The following SPSB1 variants were observed in gnomAD, a reference collection of about 807,000 sequenced individuals.
SPSB1 encodes the protein splA/ryanodine receptor domain and SOCS box containing 1.
A neutral mutation model predicts 21.2 loss-of-function variants in SPSB1; 8 were observed. That is an observed-to-expected ratio of 0.38 (90% CI 0.22 to 0.68). SPSB1 has a LOEUF of 0.68. SPSB1 is among the 30% of genes least tolerant of loss of function. The pLI, the probability that SPSB1 is intolerant of heterozygous loss-of-function variation, is 0.53. For synonymous variants in SPSB1, 169 were observed against 161.7 expected, an observed-to-expected ratio of 1.05 and a Z score of -0.34; for missense variants, 242 against 377.8, an observed-to-expected ratio of 0.64 and a Z score of 2.98.
intron 1 of SPSB1, among the ~76,000 whole-genome samples, chr1:9,315,139 A>C (rs1033653960): frequency 1.3e-5 from 2 of 152,230 alleles, no homozygotes; most frequent in African/African-American, 2.4e-5. Context: ...AAGGCTGAGA[A>C]GCTCAGCGGG....
chr1:9,314,032 C>G (rs563926036), intron 1 of SPSB1, among the ~76,000 whole-genome samples: 2 of 152,138 alleles, frequency 1.3e-5, no homozygotes, highest in South Asian at 4.1e-4. Flanking sequence ...AAAAATTAGC[C>G]AGGTGTGGCG....
chr1:9,329,430 C>T (rs1224442897), intron 1 of SPSB1, among the ~76,000 whole-genome samples: 2 of 151,836 alleles, frequency 1.3e-5, no homozygotes, highest in African/African-American at 4.8e-5. Flanking sequence ...GTGAGAGGAT[C>T]CGAGGAAGGG....
chr1:9,325,205 A>C (rs1639795620), intron 1 of SPSB1, among the ~76,000 whole-genome samples: 1 of 140,824 alleles, frequency 7.1e-6, no homozygotes, highest in Admixed American at 7.6e-5. Context: ...CTCCGGCCTG[A>C]GCCAATGCCT....
chr1:9,297,523 C>CA (rs1639245362), intron 1 of SPSB1, among the ~76,000 whole-genome samples: 1 of 152,036 alleles, frequency 6.6e-6, no homozygotes. Flanking sequence ...TTTATACAAG[C>CA]AGACACCAAG....
At chr1:9,316,914 C>G (rs1473646772) in intron 1 of SPSB1, among the ~76,000 whole-genome samples, 1 of 152,106 alleles carries the variant, frequency 6.6e-6, no homozygotes, top group Non-Finnish European at 1.5e-5. Flanking sequence ...TAAGAGTGCC[C>G]CCGGGTAGAG....
chr1:9,354,079 T>C (rs1282337697), intron 1 of SPSB1, among the ~76,000 whole-genome samples: 3 of 151,974 alleles, frequency 2.0e-5, no homozygotes, highest in Non-Finnish European at 4.4e-5. Flanking sequence ...GGGAACAGGG[T>C]CTCGTGGGGC....
At chr1:9,294,594 A>T (rs1333582661) in intron 1 of SPSB1, 1 of 152,210 alleles carries the variant, frequency 6.6e-6, no homozygotes, top group Non-Finnish European at 1.5e-5. Context: ...CTGCTTCCTG[A>T]GTGAGTAATA....
intron 1 of SPSB1, among the ~76,000 whole-genome samples, chr1:9,353,819 T>C (rs1430264568): frequency 6.6e-6 from 1 of 151,032 alleles, no homozygotes; most frequent in Admixed American, 6.6e-5. Context: ...TTGAGAGGCA[T>C]AGGCAGGAGA....
intron 1 of SPSB1, among the ~76,000 whole-genome samples, chr1:9,331,559 T>C (rs1047512904): frequency 5.3e-5 from 8 of 152,186 alleles, no homozygotes; most frequent in African/African-American, 1.7e-4. Flanking sequence ...CTTGAACTCC[T>C]GACCTCAGTT....
chr1:9,336,828 C>G (rs1186807497), intron 1 of SPSB1, among the ~76,000 whole-genome samples: 1 of 152,200 alleles, frequency 6.6e-6, no homozygotes, highest in African/African-American at 2.4e-5. Context: ...CACTAGCCCT[C>G]CATCTCCATT....
intron 2 of SPSB1, among the ~76,000 whole-genome samples, chr1:9,365,960 G>A (rs533946763): frequency 1.3e-5 from 2 of 152,314 alleles, no homozygotes; most frequent in East Asian, 1.9e-4. Flanking sequence ...CTGCTCTGGC[G>A]AAGCGGGCGA....
chr1:9,367,228 G>C lies in SPSB1; in HGVS notation c.695-220G>C, dbSNP rs546741833. On this transcript the variant is annotated intron_variant, in intron 2 of 2. Coordinates refer to ENST00000328089, the MANE Select transcript of SPSB1 (RefSeq NM_025106.4). The surrounding 1 kb of genome is among the most constrained non-coding windows in gnomAD (Gnocchi z 5.9). ...TAAGAAACCACTGTGAGGATTAAAT[G>C]AGTGTTAGCAGAGGGCTCGCCCAGG... is the stretch of plus-strand genomic sequence containing the variant. Among the ~76,000 whole-genome samples, 2 of 152,254 alleles carry C rather than the reference G, an allele frequency of 1.3e-5. No homozygotes were observed. The highest frequency in any genetic ancestry group is 1.5e-5 in the Non-Finnish European group (1 of 68,044).
chr1:9,367,556 C>T lies in SPSB1; in HGVS notation c.803C>T (p.Ala268Val), dbSNP rs766160128. Reference sequence around the variant, plus strand: ...CTGCCGCTGCCGGCTTCCCTCAAGGCCTACCTCCTCTACCAGTGACGTTCG... The same window carrying T: ...CTGCCGCTGCCGGCTTCCCTCAAGGTCTACCTCCTCTACCAGTGACGTTCG... ...HTLPLPASLK[A>V]YLLYQ Residue 268 changes from alanine (A) to valine (V), a missense_variant, in exon 3 of 3, where the codon GCC (alanine) becomes GTC (valine). Physicochemically the swap from Ala to Val is moderately conservative, Grantham distance 64. Transcript: ENST00000328089. The surrounding 1 kb of genome is among the most constrained non-coding windows in gnomAD (Gnocchi z 5.9). 2 of 1,611,548 alleles carry T rather than the reference C, an allele frequency of 1.2e-6. No homozygotes were observed. The highest frequency in any genetic ancestry group is 2.2e-5 in the South Asian group (2 of 90,966).
rs886962097 is a variant in SPSB1 at position 9,313,477 on chromosome 1, G to A, written c.-150+20406G>A. ...GCACAGCCAAGAACTCAAGCTGGACGCAGACCCAGGCAGTCTGTGCTCCGA... is the reference window on the plus strand; with the variant it reads ...GCACAGCCAAGAACTCAAGCTGGACACAGACCCAGGCAGTCTGTGCTCCGA... On this transcript the variant is annotated intron_variant, in intron 1 of 2. Transcript: ENST00000328089. Among the ~76,000 whole-genome samples, 13 of 152,294 alleles carry A rather than the reference G, an allele frequency of 8.5e-5. No individual in the cohort carries two copies. The East Asian group carries it at 2.3e-3, about 27-fold the overall frequency.
At chr1:9,332,848 C>T (rs1272193488) in intron 1 of SPSB1, among the ~76,000 whole-genome samples, 4 of 152,188 alleles carry the variant, frequency 2.6e-5, no homozygotes, top group Admixed American at 2.6e-4. Context: ...CCTGCAGGGT[C>T]TAGGCCTGAG....
chr1:9,339,053 G>A (rs936389116), intron 1 of SPSB1, among the ~76,000 whole-genome samples: 1 of 152,156 alleles, frequency 6.6e-6, no homozygotes, highest in Non-Finnish European at 1.5e-5. Flanking sequence ...GTAACCAAGG[G>A]CCGCTTCCCC....
rs868211219 is a variant in SPSB1 at position 9,320,665 on chromosome 1, C to T, written c.-150+27594C>T. On this transcript the variant is annotated intron_variant, in intron 1 of 2. Coordinates refer to ENST00000328089, the MANE Select transcript of SPSB1 (RefSeq NM_025106.4). ...CTTGCCCCAAATCTCTGATCATTTTCTAGACATTGCCCTACCCTGGTGACT... is the reference window on the plus strand; with the variant it reads ...CTTGCCCCAAATCTCTGATCATTTTTTAGACATTGCCCTACCCTGGTGACT... Among the ~76,000 whole-genome samples, 43 of 152,324 alleles carry T rather than the reference C, an allele frequency of 2.8e-4. 1 individual carries two copies. The highest frequency in any genetic ancestry group is 2.2e-4 in the Non-Finnish European group (15 of 68,028).
Position 9,339,737 on chromosome 1 carries a change from C to T in SPSB1, c.-149-16006C>T, listed in dbSNP as rs188019406. ...CCCTGACCTCTGTCTTCCCAGACCC[C>T]GAGTGACTGATGGCTTCTACAGGGT... On this transcript the variant is annotated intron_variant, in intron 1 of 2. Transcript: ENST00000328089. Among the ~76,000 whole-genome samples, 7 of 152,230 alleles carry T rather than the reference C, an allele frequency of 4.6e-5. No individual in the cohort carries two copies. The East Asian group carries it at 5.8e-4, about 13-fold the overall frequency.
chr1:9,307,177 T>C lies in SPSB1; in HGVS notation c.-150+14106T>C, dbSNP rs1242570005. 3.9e-5 allele frequency among the ~76,000 whole-genome samples: 6 copies of C among 152,092 alleles called. No individual in the cohort carries two copies. In the South Asian group the frequency reaches 6.2e-4, roughly 16 times the overall value. On this transcript the variant is annotated intron_variant, in intron 1 of 2. Transcript: ENST00000328089. ...TCCTGACCTCAGGTGATCTGCCCGCTTTGGCCTCCCAAAGTGCTGGGATTA... is the reference window on the plus strand; with the variant it reads ...TCCTGACCTCAGGTGATCTGCCCGCCTTGGCCTCCCAAAGTGCTGGGATTA...
Sources: allele counts gnomAD v4.1 joint callset (sites outside exome capture counted in the v4.1 genomes callset), GRCh38; gene constraint gnomAD v4.1.1; non-coding constraint Gnocchi (gnomAD v3.1); transcripts MANE v1.5; gene names NCBI Gene and HGNC (gene_info 2026-07-23, HGNC 2026-07-21).